Variants in NOL9 observed in about 807,000 individuals in gnomAD.
The protein encoded by NOL9 is nucleolar protein 9.
In NOL9, 28 loss-of-function variants were observed where a neutral mutation model predicts 67.9. That is an observed-to-expected ratio of 0.41 (90% CI 0.31 to 0.57). NOL9 has a LOEUF of 0.57. Among genes scored for constraint, NOL9 ranks in the 20% least tolerant of loss-of-function variants. The pLI is 0.25. For synonymous variants in NOL9, 356 were observed against 352.2 expected, an observed-to-expected ratio of 1.01 and a Z score of -0.12; for missense variants, 777 against 897.0, an observed-to-expected ratio of 0.87 and a Z score of 1.71.
chr1:6,540,829 T>TA (rs58611683), intron 6 of NOL9: 1,924 of 142,602 alleles, frequency 0.013, 31 homozygotes, highest in African/African-American at 0.042. Context: ...GACTCCATCT[T>TA]AAAAAAAAAA....
At chr1:6,549,724 T>C (rs1453865118) in intron 2 of NOL9, 26 bp from the exon 3 acceptor site, 3 of 1,607,424 alleles carry the variant, frequency 1.9e-6, no homozygotes, top group Admixed American at 3.4e-5. Context: ...TAAACCACCT[T>C]AGAAGCAGTA....
In NOL9 at chr1:6,524,802, T is replaced by G. The variant is rs1041182838; in HGVS notation, c.*1052A>C. On this transcript the variant is annotated 3_prime_UTR_variant, in exon 12 of 12. Transcript: ENST00000377705. Reference sequence around the variant, plus strand: ...TTGCCCAGGCTGGAGTGCAGTGGCGTGACCTCGGCTCACTGCAAGCTCCGC... The same window carrying G: ...TTGCCCAGGCTGGAGTGCAGTGGCGGGACCTCGGCTCACTGCAAGCTCCGC... The G allele has an allele frequency of 7.9e-5, 12 of 152,044 alleles. No homozygotes were observed. Among genetic ancestry groups the G allele is most frequent in the Admixed American group, 7.9e-4 (12 of 15,250 alleles). The allele number at this position is 152,044 out of a possible 1,614,324, so 9.4% of individuals were successfully genotyped here. A position where few individuals can be genotyped will look rare whatever the true frequency, so the allele number is the denominator to read the frequency against.
intron 6 of NOL9, 46 bp downstream of exon 6, chr1:6,541,784 A>G: frequency 8.3e-7 from 1 of 1,205,366 alleles, no homozygotes; most frequent in South Asian, 1.4e-5. Flanking sequence ...ATCATCACAT[A>G]TGAATTTCAT....
rs761514288 is a variant in NOL9 at position 6,525,995 on chromosome 1, G to A, written c.1968C>T (p.Ile656=). The A allele has an allele frequency of 4.4e-5, 71 of 1,613,434 alleles. No individual in the cohort carries two copies. The South Asian group carries it at 7.5e-4, about 17-fold the overall frequency. Residue 656 remains isoleucine (I), a synonymous_variant, in exon 12 of 12, where the codon ATC becomes ATT. Transcript: ENST00000377705. The stretch of plus-strand genomic sequence containing the variant: ...TTGTGACATAAGGTACTGTCCCTTC[G>A]ATCCCACGCTGAAACGGAAACACAG... ...PHCVLKCQRG[I]EGTVPYVTTD... is the part of the protein sequence containing the mutation.
chr1:6,550,683 CTTT>C (rs34186512), intron 1 of NOL9, 68 bp from the exon 2 acceptor site: 1,267 of 596,198 alleles, frequency 2.1e-3, no homozygotes, highest in Middle Eastern at 3.1e-3. Flanking sequence ...ATTCTAAAAT[CTTT>C]TTTTTTTTTT....
At chr1:6,547,555 C>T (rs996631946) in intron 3 of NOL9, among the ~76,000 whole-genome samples, 17 of 151,334 alleles carry the variant, frequency 1.1e-4, no homozygotes, top group African/African-American at 4.1e-4. Context: ...ATGAATAATA[C>T]GGTCAGCAAA....
chr1:6,540,091 T>C (rs1249674435), intron 6 of NOL9, among the ~76,000 whole-genome samples: 1 of 151,110 alleles, frequency 6.6e-6, no homozygotes, highest in Non-Finnish European at 1.5e-5. Context: ...GTTCAAGCGA[T>C]TCTCCTGCCT....
chr1:6,546,758 TC>T (rs1328081759), intron 3 of NOL9, among the ~76,000 whole-genome samples: 3 of 152,122 alleles, frequency 2.0e-5, no homozygotes, highest in Non-Finnish European at 4.4e-5. Flanking sequence ...GTTTTTTTCA[TC>T]CATCTTAACA....
Position 6,549,268 on chromosome 1 carries a change from C to T in NOL9, c.744+303G>A, listed in dbSNP as rs954812675. ...TGAGACTCCGTCTCAAAAAAACGAACCAACCAACCAACCAACCAACCAAAA... is the reference window on the plus strand; with the variant it reads ...TGAGACTCCGTCTCAAAAAAACGAATCAACCAACCAACCAACCAACCAAAA... On this transcript the variant is annotated intron_variant, in intron 3 of 11. Coordinates refer to ENST00000377705, the MANE Select transcript of NOL9 (RefSeq NM_024654.5). The T allele has an allele frequency of 2.9e-4, 55 of 188,508 alleles. 1 individual carries two copies. The South Asian group carries it at 4.9e-3, about 17-fold the overall frequency. 11.7% of individuals were successfully genotyped at this position (188,508 alleles called of 1,614,324 possible).
intron 6 of NOL9, among the ~76,000 whole-genome samples, chr1:6,540,524 C>T (rs1639261217): frequency 6.6e-6 from 1 of 152,108 alleles, no homozygotes. Context: ...CACCACGTTG[C>T]AAACACAACA....
rs116179238 is a variant in NOL9, at chr1:6,532,422, G to A, written c.1535+41C>T. 383 of 1,561,134 alleles carry A rather than the reference G, an allele frequency of 2.5e-4. 3 individuals carry two copies. The African/African-American group carries it at 4.6e-3, about 19-fold the overall frequency. On this transcript the variant is annotated intron_variant, in intron 8 of 11. Coordinates refer to ENST00000377705, the MANE Select transcript of NOL9 (RefSeq NM_024654.5). ...TTGAGAATGGCAGGTCTTTTTCGAC[G>A]GAAGGAAAAATAATTCTTCAGCCAA... is the stretch of plus-strand genomic sequence containing the variant.
rs1638780646 is a variant in NOL9, at chr1:6,521,999, T to A, written c.*3855A>T. ...TAGAGCCAGGATTTGAACTCAGAGC[T>A]CTATAATCAAAGCCTGCTGTCTTAT... On this transcript the variant is annotated 3_prime_UTR_variant, in exon 12 of 12. Coordinates refer to ENST00000377705, the MANE Select transcript of NOL9 (RefSeq NM_024654.5). 1 of 152,160 alleles carries A rather than the reference T, an allele frequency of 6.6e-6. No homozygotes were observed. The highest frequency in any genetic ancestry group is 1.5e-5 in the Non-Finnish European group (1 of 68,028). 9.4% of individuals were successfully genotyped at this position (152,160 alleles called of 1,614,324 possible).
At chr1:6,543,596 CT>C (rs1639350508) in intron 5 of NOL9, among the ~76,000 whole-genome samples, 1 of 152,130 alleles carries the variant, frequency 6.6e-6, no homozygotes, top group South Asian at 2.1e-4. Flanking sequence ...AACTCCTTGG[CT>C]CAAGCCAGCC....
At chr1:6,534,962 C>T (rs1196637613) in intron 6 of NOL9, among the ~76,000 whole-genome samples, 2 of 152,128 alleles carry the variant, frequency 1.3e-5, no homozygotes, top group African/African-American at 2.4e-5. Context: ...CGCCACCACA[C>T]CTGGCTAATT....
At position 6,538,507 on chromosome 1, in the gene NOL9, A is replaced by T. The variant is rs189128312; in HGVS notation, c.1075+3323T>A. 5.8e-3 allele frequency among the ~76,000 whole-genome samples: 888 copies of T among 152,050 alleles called. 48 individuals carry two copies. The highest frequency in any genetic ancestry group is 0.052 in the Admixed American group (793 of 15,234). On this transcript the variant is annotated intron_variant, in intron 6 of 11. Transcript: ENST00000377705. The stretch of plus-strand genomic sequence containing the variant: ...GCCAACATGGTGAAACCCCATCTCT[A>T]CTAAAAATACAAAAATTAGCTGGGC...
intron 5 of NOL9, among the ~76,000 whole-genome samples, chr1:6,544,566 A>G (rs1639379466): frequency 1.2e-4 from 1 of 8,482 alleles, no homozygotes; most frequent in East Asian, 5.7e-3. Context: ...CCCCCACCCC[A>G]GAACTTATAA....
intron 3 of NOL9, among the ~76,000 whole-genome samples, chr1:6,546,638 G>A (rs1473895567): frequency 1.3e-5 from 2 of 152,070 alleles, no homozygotes; most frequent in Admixed American, 1.3e-4. Flanking sequence ...TGCCAGAACC[G>A]GACCCATCCC....
At chr1:6,553,075 G>C (rs1639577256) in intron 1 of NOL9, among the ~76,000 whole-genome samples, 1 of 152,212 alleles carries the variant, frequency 6.6e-6, no homozygotes. Flanking sequence ...GCTTCCCAAA[G>C]TGCCGGGACT....
At chr1:6,553,698 C>A (rs1639594771) in intron 1 of NOL9, among the ~76,000 whole-genome samples, 1 of 151,824 alleles carries the variant, frequency 6.6e-6, no homozygotes, top group African/African-American at 2.4e-5. Flanking sequence ...AAAATATAGC[C>A]GGGCGAGGTG....
Sources: gnomAD v4.1 joint callset for allele counts (sites outside exome capture counted in the v4.1 genomes callset) on GRCh38, gnomAD v4.1.1 for gene constraint, MANE v1.5 for transcripts, NCBI Gene and HGNC (gene_info 2026-07-23, HGNC 2026-07-21) for gene names.